Variants in ITGA1 observed in about 807,000 individuals in gnomAD.
ITGA1 encodes the protein integrin subunit alpha 1.
In ITGA1, 85 loss-of-function variants were observed where a neutral mutation model predicts 145.9. That is an observed-to-expected ratio of 0.58 (90% CI 0.49 to 0.70). The LOEUF (loss-of-function observed/expected upper bound fraction) is 0.70, where lower values mean the gene tolerates loss of function less well. Ranked by LOEUF, ITGA1 falls within the 30% of genes least tolerant of loss-of-function variation. The pLI is 0.00. For missense variants in ITGA1, 1,351 were observed against 1,418.7 expected (o/e 0.95, Z 0.77); for synonymous variants, 520 against 495.3 (o/e 1.05, Z -0.66).
intron 1 of ITGA1, among the ~76,000 whole-genome samples, chr5:52,844,376 A>G (rs985214985): frequency 6.6e-6 from 1 of 152,184 alleles, no homozygotes; most frequent in Non-Finnish European, 1.5e-5. Flanking sequence ...ATGCAGACTA[A>G]TATGTGGCTG....
intron 1 of ITGA1, among the ~76,000 whole-genome samples, chr5:52,834,210 A>C (rs1378593401): frequency 6.6e-6 from 1 of 152,194 alleles, no homozygotes; most frequent in African/African-American, 2.4e-5. Flanking sequence ...CCAACAGGGC[A>C]GTTGAAGCCT....
intron 1 of ITGA1, among the ~76,000 whole-genome samples, chr5:52,830,093 G>T (rs1158348882): frequency 6.6e-6 from 1 of 152,036 alleles, no homozygotes; most frequent in Non-Finnish European, 1.5e-5. Context: ...AGTTATTTGA[G>T]TCCCTAAACA....
chr5:52,865,564 C>T, intron 5 of ITGA1, 126 bp from the exon 6 acceptor site: 1 of 705,638 alleles, frequency 1.4e-6, no homozygotes, highest in Non-Finnish European at 2.1e-6. Context: ...ATTGCTAAAA[C>T]AATGTGTCTA....
intron 1 of ITGA1, among the ~76,000 whole-genome samples, chr5:52,790,065 T>C (rs1748209143): frequency 6.6e-6 from 1 of 152,172 alleles, no homozygotes; most frequent in South Asian, 2.1e-4. Context: ...TTCTGTAGGC[T>C]CTTCTTTAGC....
chr5:52,849,425 G>T lies in ITGA1; in HGVS notation c.122G>T (p.Gly41Val). Residue 41 changes from glycine to valine, a missense_variant, in exon 2 of 29, where the codon GGC (glycine) becomes GTC (valine). By Grantham distance (109) the Gly-to-Val change is moderately radical (BLOSUM62 -3). Transcript: ENST00000282588. ...VDVKNSMTFS[G>V]PVEDMFGYTV... The stretch of plus-strand genomic sequence containing the variant: ...GTGAAAAATTCAATGACTTTCAGCG[G>T]CCCGGTGGAAGACATGTTTGGATAT... 1.9e-6 allele frequency: 3 copies of T among 1,611,698 alleles called. No homozygotes were observed. Among genetic ancestry groups the T allele is most frequent in the East Asian group, 2.2e-5 (1 of 44,840 alleles).
At chr5:52,925,228 C>A in intron 18 of ITGA1, 50 bp from the exon 19 acceptor site, 1 of 1,425,208 alleles carries the variant, frequency 7.0e-7, no homozygotes, top group Non-Finnish European at 9.9e-7. Flanking sequence ...GGGTAATTTT[C>A]AACAATGCGT....
chr5:52,820,609 T>C (rs182823020), intron 1 of ITGA1, among the ~76,000 whole-genome samples: 93 of 152,178 alleles, frequency 6.1e-4, no homozygotes, highest in Admixed American at 1.0e-3. Flanking sequence ...GTTCTGATCC[T>C]TGTTCATTGA....
At chr5:52,870,390 G>C (rs1418741585) in intron 6 of ITGA1, among the ~76,000 whole-genome samples, 1 of 152,198 alleles carries the variant, frequency 6.6e-6, no homozygotes, top group Non-Finnish European at 1.5e-5. Flanking sequence ...CTAAGAGCTG[G>C]ACAGAGAACT....
At chr5:52,793,940 G>T (rs1223873548) in intron 1 of ITGA1, among the ~76,000 whole-genome samples, 1 of 151,968 alleles carries the variant, frequency 6.6e-6, no homozygotes, top group Non-Finnish European at 1.5e-5. Flanking sequence ...AAGCTCCAGG[G>T]TTGTGTATAT....
intron 1 of ITGA1, among the ~76,000 whole-genome samples, chr5:52,843,816 T>C (rs1040847939): frequency 4.6e-5 from 7 of 152,214 alleles, no homozygotes; most frequent in African/African-American, 1.4e-4. Flanking sequence ...CTGTCATTAA[T>C]GCAACCTGGC....
In ITGA1 at chr5:52,838,640, C is replaced by T. The variant is rs188680621; in HGVS notation, c.62-10725C>T. Among the ~76,000 whole-genome samples the T allele has an allele frequency of 1.8e-3, 274 of 152,166 alleles. 7 individuals are homozygous for T. The highest frequency in any genetic ancestry group is 0.016 in the Admixed American group (245 of 15,294). ...ACTAAATCTAATACCTCTTTAAGTC[C>T]CACAGCAAAATAAAACATAGGTAGG... On this transcript the variant is annotated intron_variant, in intron 1 of 28. Transcript: ENST00000282588.
intron 2 of ITGA1, among the ~76,000 whole-genome samples, chr5:52,859,300 C>T (rs1016070649): frequency 9.2e-5 from 14 of 152,054 alleles, no homozygotes; most frequent in African/African-American, 3.1e-4. Context: ...TTTTTATTTA[C>T]CATATTTCTT....
intron 1 of ITGA1, among the ~76,000 whole-genome samples, chr5:52,811,425 G>A (rs1466881354): frequency 6.6e-6 from 1 of 152,134 alleles, no homozygotes; most frequent in Non-Finnish European, 1.5e-5. Context: ...TGTCTTTCCA[G>A]TAAAATAAAT....
chr5:52,788,526 CTTTCGGGCAT>C (rs1748173801), intron 1 of ITGA1, 112 bp downstream of exon 1: 1 of 911,212 alleles, frequency 1.1e-6, no homozygotes. Flanking sequence ...CGCCCATCCA[CTTTCGGGCAT>C]TCCAGGTACT....
intron 2 of ITGA1, among the ~76,000 whole-genome samples, chr5:52,854,615 G>A (rs919573285): frequency 6.6e-6 from 1 of 152,122 alleles, no homozygotes; most frequent in African/African-American, 2.4e-5. Flanking sequence ...AGACATCAAG[G>A]CAGAGTTAGT....
intron 12 of ITGA1, 72 bp from the exon 13 acceptor site, chr5:52,908,826 C>A (rs1439743141): frequency 1.3e-6 from 2 of 1,540,842 alleles, no homozygotes; most frequent in East Asian, 2.3e-5. Flanking sequence ...AGAAGTAAAA[C>A]AAATGTAGAT....
intron 1 of ITGA1, among the ~76,000 whole-genome samples, chr5:52,796,853 T>C (rs895394072): frequency 6.6e-6 from 1 of 152,088 alleles, no homozygotes. Context: ...ACTTTAAAGA[T>C]AGGCAGCACT....
At chr5:52,872,309 C>A (rs1001457292) in intron 6 of ITGA1, among the ~76,000 whole-genome samples, 1 of 152,080 alleles carries the variant, frequency 6.6e-6, no homozygotes, top group Non-Finnish European at 1.5e-5. Context: ...TTACAGTTTC[C>A]GAATGTGGGG....
At chr5:52,831,248 TCA>T (rs1749065167) in intron 1 of ITGA1, among the ~76,000 whole-genome samples, 1 of 152,098 alleles carries the variant, frequency 6.6e-6, no homozygotes, top group Non-Finnish European at 1.5e-5. Context: ...TTCTCATGCC[TCA>T]GTCTCCCGAG....
Sources: allele counts gnomAD v4.1 joint callset (sites outside exome capture counted in the v4.1 genomes callset), GRCh38; gene constraint gnomAD v4.1.1; transcripts MANE v1.5; gene names NCBI Gene and HGNC (gene_info 2026-07-23, HGNC 2026-07-21).